The following RAD21 variants were observed in gnomAD, a reference collection of about 807,000 sequenced individuals.
RAD21 encodes double-strand-break repair protein rad21 homolog.
A neutral mutation model predicts 71.5 loss-of-function variants in RAD21; 18 were observed. The observed-to-expected ratio is 0.25, with a 90% CI of 0.17 to 0.37. The LOEUF (loss-of-function observed/expected upper bound fraction) is 0.37. RAD21 is among the 10% of genes least tolerant of loss of function. The pLI, the probability that RAD21 is intolerant of heterozygous loss-of-function variation, is 1.00. For synonymous variants in RAD21, 248 were observed against 254.0 expected, an observed-to-expected ratio of 0.98 and a Z score of 0.22; for missense variants, 493 against 769.1, an observed-to-expected ratio of 0.64 and a Z score of 4.25.
At chr8:116,867,314 G>A (rs1031629270) in intron 1 of RAD21, among the ~76,000 whole-genome samples, 5 of 152,028 alleles carry the variant, frequency 3.3e-5, no homozygotes, top group East Asian at 1.9e-4. Flanking sequence ...TAGAAAAATC[G>A]AAGTTCAAAA....
chr8:116,849,227 C>T (rs758170111), intron 12 of RAD21, 198 bp from the exon 13 acceptor site: 87 of 437,834 alleles, frequency 2.0e-4, no homozygotes, highest in Admixed American at 1.4e-3. Flanking sequence ...AATTACAAGG[C>T]AAAGTCCTCT....
intron 3 of RAD21, among the ~76,000 whole-genome samples, 164 bp from the exon 4 acceptor site, chr8:116,862,104 TAA>T (rs1812603444): frequency 6.6e-6 from 1 of 152,148 alleles, no homozygotes; most frequent in African/African-American, 2.4e-5. Flanking sequence ...TCCATGCTCA[TAA>T]ATTGTATTCC....
At chr8:116,864,426 G>A (rs1263855201) in intron 2 of RAD21, among the ~76,000 whole-genome samples, 2 of 152,014 alleles carry the variant, frequency 1.3e-5, no homozygotes, top group East Asian at 1.9e-4. Context: ...CCCTACTTAT[G>A]ACTCTCAGGT....
chr8:116,866,844 TTC>T (rs1812704637), intron 1 of RAD21, 83 bp from the exon 2 acceptor site: 6 of 959,518 alleles, frequency 6.3e-6, no homozygotes, highest in South Asian at 6.9e-5. Flanking sequence ...AAAATTTTTC[TTC>T]TCTCTTTAAT....
chr8:116,874,534 T>A lies in RAD21; in HGVS notation c.-33+77A>T, dbSNP rs929301684. On this transcript the variant is annotated intron_variant, in intron 1 of 13. Transcript: ENST00000297338. ...GCCCTCCCGCCCCCAGGAGTCCGGC[T>A]CCCCGACGGCAGAGCGGCGGGGAAA... is the stretch of plus-strand genomic sequence containing the variant. 5.9e-5 allele frequency: 16 copies of A among 269,304 alleles called. No individual in the cohort carries two copies. The Admixed American group carries it at 8.7e-4, about 15-fold the overall frequency. The allele number at this position is 269,304 out of a possible 1,614,324, so 16.7% of individuals were successfully genotyped here.
At chr8:116,872,477 A>G (rs1812844882) in intron 1 of RAD21, among the ~76,000 whole-genome samples, 1 of 152,078 alleles carries the variant, frequency 6.6e-6, no homozygotes. Context: ...TTACCTCTGG[A>G]AAGTAGGTAT....
intron 8 of RAD21, among the ~76,000 whole-genome samples, chr8:116,855,199 A>G (rs978349742): frequency 1.3e-5 from 2 of 152,214 alleles, no homozygotes; most frequent in South Asian, 2.1e-4. Context: ...CATCTAATAC[A>G]GTATATATTT....
chr8:116,849,133 T>G (rs528069319), intron 12 of RAD21, 104 bp from the exon 13 acceptor site: 1 of 729,776 alleles, frequency 1.4e-6, no homozygotes, highest in East Asian at 2.9e-5. Context: ...GATTGTGTAT[T>G]TTGAACTAAT....
rs147013600 is a variant in RAD21, at chr8:116,859,339, T to C, written c.375-881A>G. The stretch of plus-strand genomic sequence containing the variant: ...ACATTTTGGTAATTCTCATGCTATT[T>C]AAAAATTTTTCATTATTATATTTGT... On this transcript the variant is annotated intron_variant, in intron 4 of 13. Transcript: ENST00000297338. 1.1e-3 allele frequency among the ~76,000 whole-genome samples: 175 copies of C among 152,326 alleles called. 1 individual carries two copies. Among genetic ancestry groups the C allele is most frequent in the African/African-American group, 3.8e-3 (160 of 41,570 alleles).
rs192895956 is a variant in RAD21 at position 116,846,875 on chromosome 8, T to C, written c.*625A>G. On this transcript the variant is annotated 3_prime_UTR_variant, in exon 14 of 14. Transcript: ENST00000297338. ...TGGAATGATTTACAAAATAGAACAC[T>C]TTAAACCAGGTCAGTCCTATCTTTT... The C allele has an allele frequency of 1.8e-5, 4 of 216,496 alleles. No individual in the cohort carries two copies. In the East Asian group the frequency reaches 2.7e-4, roughly 15 times the overall value. 13.4% of individuals were successfully genotyped at this position (216,496 alleles called of 1,614,324 possible). A position where few individuals can be genotyped will look rare whatever the true frequency, so the allele number is the denominator to read the frequency against.
chr8:116,860,571 C>G (rs1344074039), intron 4 of RAD21, among the ~76,000 whole-genome samples: 3 of 152,186 alleles, frequency 2.0e-5, no homozygotes, highest in African/African-American at 7.2e-5. Flanking sequence ...GCTGAAGGCT[C>G]AGATGATCAC....
intron 1 of RAD21, among the ~76,000 whole-genome samples, chr8:116,868,805 A>T (rs1043221277): frequency 6.0e-5 from 9 of 150,454 alleles, no homozygotes; most frequent in Non-Finnish European, 1.3e-4. Context: ...ACTAAGTTCA[A>T]CTAATTTTTT....
intron 11 of RAD21, 160 bp downstream of exon 11, chr8:116,851,788 C>T (rs1160910833): frequency 1.3e-5 from 8 of 607,518 alleles, no homozygotes; most frequent in South Asian, 3.5e-5. Context: ...TCTCTCACTC[C>T]GAGTGGACTG....
intron 1 of RAD21, among the ~76,000 whole-genome samples, chr8:116,870,802 G>A (rs1296359835): frequency 1.3e-5 from 2 of 151,438 alleles, no homozygotes; most frequent in Admixed American, 6.6e-5. Context: ...TAATGAATAA[G>A]TAAGTAAGAT....
intron 4 of RAD21, among the ~76,000 whole-genome samples, chr8:116,858,950 A>ATT (rs1460286273): frequency 0.012 from 1,815 of 152,248 alleles, 45 homozygotes; most frequent in African/African-American, 0.041. Context: ...TTAATACCTC[A>ATT]AAACAACTGA....
intron 1 of RAD21, among the ~76,000 whole-genome samples, chr8:116,868,915 C>T (rs1812751629): frequency 7.4e-6 from 1 of 134,900 alleles, no homozygotes; most frequent in African/African-American, 2.8e-5. Context: ...GACCAGAAAA[C>T]ATGCACGCAC....
intron 9 of RAD21, among the ~76,000 whole-genome samples, chr8:116,853,667 T>C (rs1812401080): frequency 6.6e-6 from 1 of 152,184 alleles, no homozygotes; most frequent in African/African-American, 2.4e-5. Flanking sequence ...ATTTAGAATA[T>C]ATTACTATAT....
intron 4 of RAD21, among the ~76,000 whole-genome samples, chr8:116,859,428 G>A (rs970571971): frequency 7.2e-5 from 11 of 151,882 alleles, no homozygotes; most frequent in Admixed American, 6.6e-5. Flanking sequence ...ACATGGGGGG[G>A]CGGGATCTTA....
chr8:116,857,562 G>C (rs1563690713), intron 5 of RAD21, 89 bp from the exon 6 acceptor site: 2 of 1,077,438 alleles, frequency 1.9e-6, no homozygotes, highest in Non-Finnish European at 2.7e-6. Flanking sequence ...TTCTAATTAT[G>C]TCACATTTGC....
Sources: gnomAD v4.1 joint callset for allele counts (sites outside exome capture counted in the v4.1 genomes callset) on GRCh38, gnomAD v4.1.1 for gene constraint, MANE v1.5 for transcripts, NCBI Gene and HGNC (gene_info 2026-07-23, HGNC 2026-07-21) for gene names.